EXOC6B: variants seen among roughly 807,000 people sequenced by gnomAD.
EXOC6B encodes SEC15 homolog B.
EXOC6B carries 54 observed loss-of-function variants against 113.5 expected under a neutral mutation model. The ratio of observed to expected loss-of-function variants is 0.48; its 90% CI spans 0.38 to 0.60. EXOC6B has a LOEUF of 0.60. Among genes scored for constraint, EXOC6B ranks in the 20% least tolerant of loss-of-function variants. The pLI, the probability that EXOC6B is intolerant of heterozygous loss-of-function variation, is 0.00. For synonymous variants in EXOC6B, 357 were observed against 339.0 expected, an observed-to-expected ratio of 1.05 and a Z score of -0.58; for missense variants, 797 against 977.5, an observed-to-expected ratio of 0.82 and a Z score of 2.46.
intron 6 of EXOC6B, among the ~76,000 whole-genome samples, chr2:72,607,293 TTC>T (rs551150040): frequency 3.6e-4 from 55 of 152,240 alleles, no homozygotes; most frequent in African/African-American, 1.3e-3. Context: ...GCCTGATTTC[TTC>T]TCTCTATCTC....
At chr2:72,183,871 G>T (rs1678248729) in intron 21 of EXOC6B, among the ~76,000 whole-genome samples, 1 of 152,190 alleles carries the variant, frequency 6.6e-6, no homozygotes, top group African/African-American at 2.4e-5. Context: ...GGCTTGTTGG[G>T]GGCTCAGGAA....
At chr2:72,264,600 C>T (rs1017198545) in intron 20 of EXOC6B, among the ~76,000 whole-genome samples, 1 of 151,902 alleles carries the variant, frequency 6.6e-6, no homozygotes, top group African/African-American at 2.4e-5. Flanking sequence ...ACAACATATA[C>T]CTTGATATGG....
At chr2:72,609,633 T>C (rs941235166) in intron 6 of EXOC6B, among the ~76,000 whole-genome samples, 1 of 150,836 alleles carries the variant, frequency 6.6e-6, no homozygotes, top group African/African-American at 2.4e-5. Context: ...AGGAGTATGA[T>C]AAAAGTATAA....
At chr2:72,515,819 C>A in intron 8 of EXOC6B, 1 of 736,318 alleles carries the variant, frequency 1.4e-6, no homozygotes, top group Non-Finnish European at 1.7e-6. Flanking sequence ...GGAAATAGGG[C>A]CATTGTGATG....
At chr2:72,212,654 T>C (rs977328120) in intron 20 of EXOC6B, among the ~76,000 whole-genome samples, 6 of 152,200 alleles carry the variant, frequency 3.9e-5, no homozygotes, top group Admixed American at 2.6e-4. Flanking sequence ...TTCTATCTTA[T>C]GTAAGAGAAG....
intron 8 of EXOC6B, among the ~76,000 whole-genome samples, chr2:72,548,645 A>G (rs1449543032): frequency 6.6e-6 from 1 of 152,190 alleles, no homozygotes; most frequent in African/African-American, 2.4e-5. Context: ...GAGAGTAATT[A>G]TCGTTCAAAA....
In EXOC6B at chr2:72,792,130, A is replaced by C. The variant is rs188053851; in HGVS notation, c.113+33668T>G. 5.9e-5 allele frequency among the ~76,000 whole-genome samples: 9 copies of C among 152,354 alleles called. No homozygotes were observed. The East Asian group carries it at 9.6e-4, about 16-fold the overall frequency. ...GATACATCTCAGCTAATTACTTCTAAGAGCATTCTGAATACAGACTAAGAA... is the reference window on the plus strand; with the variant it reads ...GATACATCTCAGCTAATTACTTCTACGAGCATTCTGAATACAGACTAAGAA... On this transcript the variant is annotated intron_variant, in intron 1 of 21. Transcript: ENST00000272427.
chr2:72,596,630 A>G (rs1670091251), intron 6 of EXOC6B, among the ~76,000 whole-genome samples: 1 of 152,152 alleles, frequency 6.6e-6, no homozygotes, highest in Non-Finnish European at 1.5e-5. Flanking sequence ...TGAAGGTCAC[A>G]GTCCAGGAAT....
At chr2:72,411,590 C>T (rs60536402) in intron 18 of EXOC6B, among the ~76,000 whole-genome samples, 30,313 of 152,102 alleles carry the variant, frequency 0.2, 5,557 homozygotes, top group African/African-American at 0.49. Flanking sequence ...AAACTAGTTT[C>T]TCATGAGAAA....
chr2:72,619,217 T>G (rs1671593888), intron 6 of EXOC6B, among the ~76,000 whole-genome samples: 1 of 151,424 alleles, frequency 6.6e-6, no homozygotes, highest in Non-Finnish European at 1.5e-5. Context: ...GAGATTAAGT[T>G]GGACCCACTG....
intron 6 of EXOC6B, among the ~76,000 whole-genome samples, chr2:72,685,580 T>A (rs573527452): frequency 1.3e-5 from 2 of 152,266 alleles, no homozygotes; most frequent in East Asian, 3.9e-4. Context: ...CAGTACTAGA[T>A]CCCCTTTAGG....
chr2:72,227,672 G>T lies in EXOC6B; in HGVS notation c.2197-43485C>A, dbSNP rs562254620. ...ATACACATTCTTTCAAGGATCCATGGAGCATTTACAAATATTGGCCACAAA... is the reference window on the plus strand; with the variant it reads ...ATACACATTCTTTCAAGGATCCATGTAGCATTTACAAATATTGGCCACAAA... On this transcript the variant is annotated intron_variant, in intron 20 of 21. Transcript: ENST00000272427. 2.6e-5 allele frequency among the ~76,000 whole-genome samples: 4 copies of T among 152,112 alleles called. No homozygotes were observed. The South Asian group carries it at 8.3e-4, about 32-fold the overall frequency.
chr2:72,197,986 A>C (rs992378909), intron 20 of EXOC6B, among the ~76,000 whole-genome samples: 1 of 152,168 alleles, frequency 6.6e-6, no homozygotes, highest in Non-Finnish European at 1.5e-5. Context: ...GGACAGAGCA[A>C]AGAGGAGAAT....
intron 6 of EXOC6B, among the ~76,000 whole-genome samples, chr2:72,690,495 C>T (rs548840210): frequency 6.6e-6 from 1 of 152,134 alleles, no homozygotes; most frequent in Non-Finnish European, 1.5e-5. Flanking sequence ...AATCCCTTGA[C>T]AATATCTAAT....
intron 1 of EXOC6B, among the ~76,000 whole-genome samples, chr2:72,807,693 A>G (rs1204156308): frequency 6.6e-6 from 1 of 152,206 alleles, no homozygotes; most frequent in East Asian, 1.9e-4. Context: ...GTCATTTGCA[A>G]TAACATGGTT....
intron 18 of EXOC6B, among the ~76,000 whole-genome samples, chr2:72,401,285 A>T (rs1693139903): frequency 6.7e-6 from 1 of 150,014 alleles, no homozygotes; most frequent in African/African-American, 2.4e-5. Context: ...AGTGTGGTGA[A>T]ACCTCATCTC....
chr2:72,641,485 T>C (rs1026143431), intron 6 of EXOC6B, among the ~76,000 whole-genome samples: 2 of 152,208 alleles, frequency 1.3e-5, no homozygotes, highest in African/African-American at 4.8e-5. Flanking sequence ...GAGATCAACC[T>C]GCAAGGCAGC....
chr2:72,179,936 C>T (rs781429932), intron 21 of EXOC6B, among the ~76,000 whole-genome samples: 9 of 152,188 alleles, frequency 5.9e-5, no homozygotes, highest in Non-Finnish European at 1.0e-4. Flanking sequence ...TCCAACAGAA[C>T]ATGAATAACT....
intron 1 of EXOC6B, among the ~76,000 whole-genome samples, chr2:72,803,209 T>C (rs940144552): frequency 6.7e-6 from 1 of 150,030 alleles, no homozygotes; most frequent in African/African-American, 2.5e-5. Context: ...AAAGAACAAA[T>C]AAAATTCCCA....
Sources: gnomAD v4.1 joint callset for allele counts (sites outside exome capture counted in the v4.1 genomes callset) on GRCh38, gnomAD v4.1.1 for gene constraint, MANE v1.5 for transcripts, NCBI Gene and HGNC (gene_info 2026-07-23, HGNC 2026-07-21) for gene names.